The following RBFOX2 variants were observed in gnomAD, a reference collection of about 807,000 sequenced individuals.
RBFOX2 encodes RNA binding protein fox-1 homolog 2.
In RBFOX2, 10 loss-of-function variants were observed where a neutral mutation model predicts 49.1. That is an observed-to-expected ratio of 0.20 (90% CI 0.13 to 0.35). The LOEUF (loss-of-function observed/expected upper bound fraction) is 0.35. Ranked by LOEUF, RBFOX2 falls within the 10% of genes least tolerant of loss-of-function variation. The pLI, the probability that RBFOX2 is intolerant of heterozygous loss-of-function variation, is 1.00. For synonymous variants in RBFOX2, 183 were observed against 187.4 expected, an observed-to-expected ratio of 0.98 and a Z score of 0.19; for missense variants, 323 against 486.9, an observed-to-expected ratio of 0.66 and a Z score of 3.17.
At chr22:35,753,556 CA>C (rs1425468929) in intron 9 of RBFOX2, among the ~76,000 whole-genome samples, 2 of 149,646 alleles carry the variant, frequency 1.3e-5, no homozygotes, top group Non-Finnish European at 1.5e-5. Flanking sequence ...GGCCACTGGT[CA>C]AAAAAAATTA....
chr22:35,900,207 G>A (rs944611970), intron 1 of RBFOX2, among the ~76,000 whole-genome samples: 45 of 152,036 alleles, frequency 3.0e-4, no homozygotes, highest in Admixed American at 2.8e-3. Context: ...TCCGCCTCCC[G>A]GGTTCAAGTG....
chr22:36,009,200 A>G (rs563021860), intron 1 of RBFOX2, among the ~76,000 whole-genome samples: 2 of 152,338 alleles, frequency 1.3e-5, no homozygotes, highest in Non-Finnish European at 2.9e-5. Context: ...GCTTTGTGCT[A>G]TAACAACCAC....
intron 9 of RBFOX2, among the ~76,000 whole-genome samples, chr22:35,754,398 G>C (rs1222627307): frequency 6.6e-6 from 1 of 152,068 alleles, no homozygotes; most frequent in Non-Finnish European, 1.5e-5. Context: ...GCCCAAAGTA[G>C]GCAAGTCTTA....
At chr22:36,013,193 A>G (rs1357572293) in intron 1 of RBFOX2, among the ~76,000 whole-genome samples, 21 of 151,948 alleles carry the variant, frequency 1.4e-4, no homozygotes, top group Non-Finnish European at 1.5e-5. Context: ...GGACTGCTTG[A>G]GCCCAGGAGT....
exon 12 of RBFOX2, chr22:35,743,188 C>A: frequency 6.6e-6 from 1 of 152,246 alleles, no homozygotes; most frequent in Non-Finnish European, 1.5e-5. Flanking sequence ...TTCTAATATT[C>A]CTTTTCCCTT....
At chr22:35,867,876 T>C (rs2043872315) in intron 1 of RBFOX2, among the ~76,000 whole-genome samples, 1 of 152,172 alleles carries the variant, frequency 6.6e-6, no homozygotes, top group African/African-American at 2.4e-5. Context: ...TATGATTAAT[T>C]GCCAACGTAA....
chr22:35,776,715 G>A (rs761352927), intron 4 of RBFOX2, among the ~76,000 whole-genome samples: 7 of 152,110 alleles, frequency 4.6e-5, no homozygotes, highest in Non-Finnish European at 7.4e-5. Context: ...ATGACCAAAT[G>A]AAAATTAACT....
intron 1 of RBFOX2, among the ~76,000 whole-genome samples, chr22:35,948,590 T>C (rs1394751520): frequency 6.6e-6 from 1 of 151,916 alleles, no homozygotes; most frequent in East Asian, 1.9e-4. Flanking sequence ...CAGGCTGAAA[T>C]GGGAGGATGG....
chr22:35,926,636 T>C (rs1157190463), intron 1 of RBFOX2, among the ~76,000 whole-genome samples: 1 of 152,076 alleles, frequency 6.6e-6, no homozygotes, highest in Non-Finnish European at 1.5e-5. Context: ...AACTGCGGCA[T>C]AAAAGGCAAG....
chr22:35,842,789 C>T (rs948179494), upstream of RBFOX2, among the ~76,000 whole-genome samples: 2 of 151,990 alleles, frequency 1.3e-5, no homozygotes, highest in African/African-American at 4.8e-5. Flanking sequence ...GACAAGGCCC[C>T]AAGGAGTTTT....
upstream of RBFOX2, among the ~76,000 whole-genome samples, chr22:35,939,755 A>C (rs1003280116): frequency 3.9e-5 from 6 of 152,134 alleles, no homozygotes; most frequent in Non-Finnish European, 8.8e-5. Context: ...TAACATGAAC[A>C]CTCATTTCCA....
chr22:35,913,560 GTA>G (rs372656039), intron 1 of RBFOX2, among the ~76,000 whole-genome samples: 20 of 147,146 alleles, frequency 1.4e-4, no homozygotes, highest in African/African-American at 1.7e-4. Context: ...GTGTGTGTGT[GTA>G]TATATATATA....
chr22:35,789,735 T>C (rs1947213702), intron 2 of RBFOX2, among the ~76,000 whole-genome samples: 1 of 152,174 alleles, frequency 6.6e-6, no homozygotes, highest in African/African-American at 2.4e-5. Context: ...AGCATATAAA[T>C]GTAATTGTGG....
At chr22:35,805,988 G>C (rs1028878941) in intron 2 of RBFOX2, among the ~76,000 whole-genome samples, 1 of 152,200 alleles carries the variant, frequency 6.6e-6, no homozygotes, top group African/African-American at 2.4e-5. Flanking sequence ...GGGGAGGAGA[G>C]AGGGATAAAC....
chr22:36,028,721 C>T (rs1425050983), exon 1 of RBFOX2, among the ~76,000 whole-genome samples: 2 of 151,350 alleles, frequency 1.3e-5, no homozygotes, highest in African/African-American at 2.4e-5. Flanking sequence ...CGGCCCGGCC[C>T]GCCGCGCCGC....
At chr22:36,028,343 A>T in exon 1 of RBFOX2, 1 of 1,468,290 alleles carries the variant, frequency 6.8e-7, no homozygotes, top group Non-Finnish European at 9.0e-7. Context: ...CGGCAGCTCC[A>T]GCTCCGACTC....
chr22:35,772,031 A>C (rs1202787784), intron 4 of RBFOX2, among the ~76,000 whole-genome samples: 1 of 152,146 alleles, frequency 6.6e-6, no homozygotes, highest in African/African-American at 2.4e-5. Flanking sequence ...CCAAATGATC[A>C]TACAACCTAT....
In RBFOX2 at chr22:35,750,464, G is replaced by T. The variant is rs759479824; in HGVS notation, c.888-3903C>A. On this transcript the variant is annotated intron_variant, in intron 9 of 11. Transcript: ENST00000405409. The stretch of plus-strand genomic sequence containing the variant: ...AGCAGTTTGCAGATTCTATCTGTGT[G>T]TGATTTGAAATAAAACAAAAAATGG... The T allele has an allele frequency of 7.5e-6, 12 of 1,601,502 alleles. 1 individual carries two copies. The South Asian group carries it at 1.3e-4, about 18-fold the overall frequency.
intron 9 of RBFOX2, among the ~76,000 whole-genome samples, chr22:35,755,437 T>C (rs1182279824): frequency 6.6e-6 from 1 of 152,224 alleles, no homozygotes; most frequent in East Asian, 1.9e-4. Context: ...AAATCTATGA[T>C]AGTCAAATAG....
Sources: gnomAD v4.1 joint callset for allele counts (sites outside exome capture counted in the v4.1 genomes callset) on GRCh38, gnomAD v4.1.1 for gene constraint, MANE v1.5 for transcripts, NCBI Gene and HGNC (gene_info 2026-07-23, HGNC 2026-07-21) for gene names.